Variants in C11orf65 observed in about 807,000 individuals in gnomAD.
The protein encoded by C11orf65 is chromosome 11 open reading frame 65.
Under a neutral mutation model 35.3 loss-of-function variants are expected in C11orf65, and 38 were observed. The ratio of observed to expected loss-of-function variants is 1.08; its 90% confidence interval spans 0.83 to 1.41. The LOEUF (loss-of-function observed/expected upper bound fraction) is 1.41. C11orf65 is among the 40% of genes most tolerant of loss of function. The pLI is 0.00. For missense variants in C11orf65, 370 were observed against 367.1 expected (o/e 1.01, Z -0.06); for synonymous variants, 105 against 114.4 (o/e 0.92, Z 0.53).
chr11:108,460,480 C>T (rs1240454624), intron 2 of C11orf65, among the ~76,000 whole-genome samples: 1 of 152,270 alleles, frequency 6.6e-6, no homozygotes, highest in African/African-American at 2.4e-5. Flanking sequence ...TATTAATAAA[C>T]TTGAAGCTCC....
At chr11:108,452,386 G>C (rs995125235) in intron 2 of C11orf65, among the ~76,000 whole-genome samples, 3 of 152,116 alleles carry the variant, frequency 2.0e-5, no homozygotes, top group African/African-American at 7.2e-5. Flanking sequence ...GCAGCCAACA[G>C]ACACATGAAA....
chr11:108,454,432 G>C (rs1435238383), intron 2 of C11orf65, among the ~76,000 whole-genome samples: 2 of 151,584 alleles, frequency 1.3e-5, no homozygotes, highest in African/African-American at 4.8e-5. Context: ...CCGAGTAGTT[G>C]GGATTACAGG....
chr11:108,326,875 G>T (rs4988107), downstream of C11orf65, among the ~76,000 whole-genome samples: 13 of 152,120 alleles, frequency 8.5e-5, no homozygotes, highest in Non-Finnish European at 1.5e-4. Context: ...ACCCAGGCTG[G>T]AGTGCAGTGG....
intron 2 of C11orf65, among the ~76,000 whole-genome samples, chr11:108,356,791 G>T (rs1190374970): frequency 6.6e-6 from 1 of 152,082 alleles, no homozygotes; most frequent in Admixed American, 6.6e-5. Flanking sequence ...AGAGTAGTAG[G>T]AGATCAAATG....
At chr11:108,449,128 T>C (rs1394750319) in intron 2 of C11orf65, among the ~76,000 whole-genome samples, 1 of 152,128 alleles carries the variant, frequency 6.6e-6, no homozygotes. Flanking sequence ...CTCAGTGATA[T>C]AAAAGAGGAT....
At chr11:108,437,284 C>A (rs953221750) in intron 2 of C11orf65, among the ~76,000 whole-genome samples, 5 of 150,568 alleles carry the variant, frequency 3.3e-5, no homozygotes, top group African/African-American at 1.2e-4. Flanking sequence ...AAGAACTTGC[C>A]TCTCAAAAAC....
intron 3 of C11orf65, among the ~76,000 whole-genome samples, chr11:108,427,721 C>CAAAAAA (rs1176005299): frequency 5.6e-4 from 23 of 40,740 alleles, no homozygotes; most frequent in East Asian, 9.7e-4. Flanking sequence ...AACTCCGCCT[C>CAAAAAA]AAAAAAAAAA....
intron 2 of C11orf65, among the ~76,000 whole-genome samples, chr11:108,376,738 C>T (rs1202449961): frequency 6.6e-6 from 1 of 151,678 alleles, no homozygotes. Context: ...GCTAGCAAGA[C>T]TAATAAAGAA....
intron 2 of C11orf65, among the ~76,000 whole-genome samples, chr11:108,451,868 T>A (rs1228359593): frequency 6.6e-6 from 1 of 152,224 alleles, no homozygotes; most frequent in Non-Finnish European, 1.5e-5. Context: ...TACAACCATC[T>A]GATCTTTGAC....
At position 108,332,650 on chromosome 11, in the gene C11orf65, T is replaced by A. The variant is rs1591177160; in HGVS notation, c.300-1083A>T. The A allele has an allele frequency of 7.8e-6, 9 of 1,147,500 alleles. No individual in the cohort carries two copies. The East Asian group carries it at 2.3e-4, about 29-fold the overall frequency. 71.1% of individuals were successfully genotyped at this position (1,147,500 alleles called of 1,614,324 possible). A position where few individuals can be genotyped will look rare whatever the true frequency, so the allele number is the denominator to read the frequency against. ...TTTGTATCTGAGGAATTATAATCAT[T>A]CCATTGTCTAGATTTGTGCATAAAT... On this transcript the variant is annotated intron_variant, in intron 3 of 3. Coordinates refer to the C11orf65 transcript ENST00000524755.
chr11:108,339,590 A>G (rs1371746477), intron 2 of C11orf65, among the ~76,000 whole-genome samples: 1 of 152,140 alleles, frequency 6.6e-6, no homozygotes, highest in Non-Finnish European at 1.5e-5. Flanking sequence ...TTAGTACCAG[A>G]GAAAACACTG....
chr11:108,355,243 A>C, intron 2 of C11orf65: 1 of 263,774 alleles, frequency 3.8e-6, no homozygotes, highest in South Asian at 4.5e-5. Context: ...TCAGGTTCAG[A>C]ACTAATTAGT....
chr11:108,354,123 T>C (rs931430905), intron 2 of C11orf65, among the ~76,000 whole-genome samples: 4 of 151,482 alleles, frequency 2.6e-5, no homozygotes, highest in African/African-American at 9.8e-5. Flanking sequence ...GAGATTTGTA[T>C]AGATTATAGA....
At chr11:108,418,222 T>C (rs946294442) in intron 3 of C11orf65, among the ~76,000 whole-genome samples, 2 of 152,170 alleles carry the variant, frequency 1.3e-5, no homozygotes, top group South Asian at 2.1e-4. Context: ...AGTAAGGCTA[T>C]AGAAGATTTG....
chr11:108,324,302 T>C (rs1182942558), intron 6 of C11orf65, among the ~76,000 whole-genome samples: 1 of 152,170 alleles, frequency 6.6e-6, no homozygotes, highest in East Asian at 1.9e-4. Flanking sequence ...TATCAAGGTG[T>C]CTTGGAACCA....
intron 2 of C11orf65, among the ~76,000 whole-genome samples, chr11:108,364,410 T>C (rs2091118231): frequency 6.6e-6 from 1 of 152,176 alleles, no homozygotes. Flanking sequence ...CTTTCTAAAA[T>C]TTACGACCTA....
chr11:108,469,444 G>C (rs1187418676), upstream of C11orf65, among the ~76,000 whole-genome samples: 1 of 151,372 alleles, frequency 6.6e-6, no homozygotes, highest in Non-Finnish European at 1.5e-5. Context: ...CTGCTGTTTA[G>C]ATATTATTTT....
intron 3 of C11orf65, among the ~76,000 whole-genome samples, chr11:108,422,011 A>G (rs1330703611): frequency 6.6e-6 from 1 of 152,090 alleles, no homozygotes; most frequent in Non-Finnish European, 1.5e-5. Flanking sequence ...GGCTTGCTGC[A>G]ACCTCTGCCT....
In C11orf65 at chr11:108,314,158, C is replaced by T. The variant is rs371313260; in HGVS notation, c.641-5087G>A. Among the ~76,000 whole-genome samples, 29 of 152,122 alleles carry T rather than the reference C, an allele frequency of 1.9e-4. 1 individual carries two copies. Among genetic ancestry groups the T allele is most frequent in the African/African-American group, 6.7e-4 (28 of 41,496 alleles). ...CCAGACAGGATCTGGCTCTGTTGCC[C>T]AGGCTGGAGTGCAGTGGTGCAGTCA... On this transcript the variant is annotated intron_variant, in intron 6 of 6. Coordinates refer to the C11orf65 transcript ENST00000525729.
Sources: gnomAD v4.1 joint callset for allele counts (sites outside exome capture counted in the v4.1 genomes callset) on GRCh38, gnomAD v4.1.1 for gene constraint, MANE v1.5 for transcripts, NCBI Gene and HGNC (gene_info 2026-07-23, HGNC 2026-07-21) for gene names.